Variants in YPEL1 observed in about 807,000 individuals in gnomAD.
YPEL1 encodes the protein yippee like 1, also known as protein yippee-like 1.
YPEL1 carries 7 observed loss-of-function variants against 17.3 expected under a neutral mutation model. The ratio of observed to expected loss-of-function variants is 0.40; its 90% CI spans 0.23 to 0.76. The LOEUF is 0.76. Among genes scored for constraint, YPEL1 ranks in the 30% least tolerant of loss-of-function variants. The pLI, the probability that YPEL1 is intolerant of heterozygous loss-of-function variation, is 0.35. For synonymous variants in YPEL1, 59 were observed against 59.6 expected, an observed-to-expected ratio of 0.99 and a Z score of 0.05; for missense variants, 91 against 155.5, an observed-to-expected ratio of 0.59 and a Z score of 2.21.
intron 1 of YPEL1, among the ~76,000 whole-genome samples, chr22:21,712,366 G>GT (rs770304821): frequency 6.0e-5 from 2 of 33,090 alleles, no homozygotes; most frequent in Non-Finnish European, 1.3e-4. Context: ...ATTGGAATAT[G>GT]TAAAAAAAAA....
chr22:21,700,998 C>G lies in YPEL1; in HGVS notation c.*131G>C. 1 of 718,624 alleles carries G rather than the reference C, an allele frequency of 1.4e-6. No homozygotes were observed. The highest frequency in any genetic ancestry group is 2.4e-6 in the Non-Finnish European group (1 of 422,494). 44.5% of individuals were successfully genotyped at this position (718,624 alleles called of 1,614,324 possible). On this transcript the variant is annotated 3_prime_UTR_variant, in exon 5 of 5. Transcript: ENST00000339468. ...TACCCACAGAGATGGCCGAGAGTGTCAAGAGCTATGCGCAGCTAGCCTTTG... is the reference window on the plus strand; with the variant it reads ...TACCCACAGAGATGGCCGAGAGTGTGAAGAGCTATGCGCAGCTAGCCTTTG...
intron 1 of YPEL1, among the ~76,000 whole-genome samples, chr22:21,719,717 T>C (rs1344795981): frequency 1.3e-5 from 2 of 152,044 alleles, no homozygotes; most frequent in African/African-American, 4.8e-5. Context: ...AAACCCCGTC[T>C]CTATTGAAAA....
intron 1 of YPEL1, among the ~76,000 whole-genome samples, chr22:21,711,344 ATT>A: frequency 1.3e-5 from 2 of 152,326 alleles, no homozygotes; most frequent in African/African-American, 4.8e-5. Flanking sequence ...CATGCAAATA[ATT>A]TGAGAAAAAC....
intron 2 of YPEL1, chr22:21,704,206 TGA>T (rs2148596215): frequency 2.8e-6 from 2 of 716,856 alleles, no homozygotes; most frequent in South Asian, 1.5e-5. Context: ...AGAGGAGTTC[TGA>T]GAGGGGATCA....
chr22:21,715,750 CT>C (rs1196865096), intron 1 of YPEL1, among the ~76,000 whole-genome samples: 7 of 78,412 alleles, frequency 8.9e-5, no homozygotes, highest in East Asian at 5.8e-4. Flanking sequence ...CCTAATTTTT[CT>C]TTTTCTTTTC....
chr22:21,725,090 G>T (rs2068321622), intron 1 of YPEL1, among the ~76,000 whole-genome samples: 1 of 151,164 alleles, frequency 6.6e-6, no homozygotes, highest in Admixed American at 6.6e-5. Context: ...TATTTTTTTA[G>T]TAAAGATGGG....
intron 2 of YPEL1, among the ~76,000 whole-genome samples, chr22:21,705,167 T>C (rs746539050): frequency 1.3e-5 from 2 of 152,130 alleles, no homozygotes; most frequent in Non-Finnish European, 2.9e-5. Flanking sequence ...ATTTTAGAGA[T>C]AGGGTTTCGC....
rs5999126 is a variant in YPEL1, at chr22:21,702,965, T to C, written c.270+405A>G. Reference sequence around the variant, plus strand: ...AGCTCATGGGGCAGCTCTCTGTCTCTGACTCCAGCAGGTCTGGCGCTGAGG... The same window carrying C: ...AGCTCATGGGGCAGCTCTCTGTCTCCGACTCCAGCAGGTCTGGCGCTGAGG... On this transcript the variant is annotated intron_variant, in intron 4 of 4. Coordinates refer to ENST00000339468, the MANE Select transcript of YPEL1 (RefSeq NM_013313.5). 8.6e-3 allele frequency among the ~76,000 whole-genome samples: 1,313 copies of C among 152,266 alleles called. 26 individuals carry two copies. The highest frequency in any genetic ancestry group is 0.03 in the African/African-American group (1,260 of 41,544).
intron 2 of YPEL1, among the ~76,000 whole-genome samples, chr22:21,706,162 G>A (rs968868165): frequency 1.3e-5 from 2 of 151,212 alleles, no homozygotes; most frequent in African/African-American, 4.9e-5. Flanking sequence ...TGGGCGCGGT[G>A]GTTCATGCCT....
intron 2 of YPEL1, 62 bp downstream of exon 2, chr22:21,710,566 A>G (rs2068154184): frequency 1.5e-6 from 2 of 1,336,094 alleles, no homozygotes; most frequent in African/African-American, 1.4e-5. Context: ...TTCTTCCACT[A>G]TGTAGGTACC....
intron 1 of YPEL1, among the ~76,000 whole-genome samples, chr22:21,716,476 G>A (rs375495755): frequency 0.048 from 6,958 of 146,208 alleles, no homozygotes; most frequent in Non-Finnish European, 0.055. Context: ...CAGCCACCCC[G>A]GGCTTCCGAT....
At chr22:21,726,813 G>A (rs1032651683) in intron 1 of YPEL1, among the ~76,000 whole-genome samples, 6 of 152,098 alleles carry the variant, frequency 3.9e-5, no homozygotes, top group African/African-American at 7.2e-5. Flanking sequence ...CAGATGCAGC[G>A]ACAAGCTCAG....
At chr22:21,711,748 T>A (rs2068168390) in intron 1 of YPEL1, among the ~76,000 whole-genome samples, 1 of 152,214 alleles carries the variant, frequency 6.6e-6, no homozygotes, top group South Asian at 2.1e-4. Context: ...ATGTGAGAGC[T>A]AAGACTATAA....
chr22:21,711,097 C>T (rs533574443), intron 1 of YPEL1, among the ~76,000 whole-genome samples, 189 bp from the exon 2 acceptor site: 84 of 151,358 alleles, frequency 5.5e-4, no homozygotes, highest in Non-Finnish European at 3.1e-4. Context: ...AATCTCAGCT[C>T]GCTGCAACCT....
intron 2 of YPEL1, among the ~76,000 whole-genome samples, chr22:21,704,581 C>T (rs560911266): frequency 1.2e-4 from 18 of 150,176 alleles, no homozygotes; most frequent in South Asian, 4.2e-4. Context: ...CACTTAAACC[C>T]GGGAGGTGGA....
intron 1 of YPEL1, among the ~76,000 whole-genome samples, chr22:21,727,933 G>A (rs2068350963): frequency 6.6e-6 from 1 of 152,162 alleles, no homozygotes. Context: ...GAGGCCTCAG[G>A]CAGATACGGA....
chr22:21,713,481 G>C (rs531647510), intron 1 of YPEL1, among the ~76,000 whole-genome samples: 1 of 152,310 alleles, frequency 6.6e-6, no homozygotes, highest in East Asian at 1.9e-4. Context: ...GAGGAACCCT[G>C]AGGACACTAT....
intron 1 of YPEL1, among the ~76,000 whole-genome samples, chr22:21,731,321 G>C (rs998714281): frequency 6.9e-6 from 1 of 144,678 alleles, no homozygotes; most frequent in Admixed American, 7.0e-5. Flanking sequence ...GACAGAGTGA[G>C]ACCCTGTGTC....
At chr22:21,727,764 GC>G (rs1282672725) in intron 1 of YPEL1, among the ~76,000 whole-genome samples, 1 of 152,138 alleles carries the variant, frequency 6.6e-6, no homozygotes, top group African/African-American at 2.4e-5. Context: ...CTGGGTCGTC[GC>G]CCCATCCCTG....
Sources: gnomAD v4.1 joint callset for allele counts (sites outside exome capture counted in the v4.1 genomes callset) on GRCh38, gnomAD v4.1.1 for gene constraint, MANE v1.5 for transcripts, NCBI Gene and HGNC (gene_info 2026-07-23, HGNC 2026-07-21) for gene names.